Variants in VPS29 observed in about 807,000 individuals in gnomAD.
The protein encoded by VPS29 is VPS29 retromer complex component, also known as vacuolar protein sorting-associated protein 29.
VPS29 carries 2 observed loss-of-function variants against 20.0 expected under a neutral mutation model. The observed-to-expected ratio is 0.10, with a 90% CI of 0.04 to 0.31. VPS29 has a LOEUF of 0.31. VPS29 is among the 10% of genes least tolerant of loss of function. The pLI, the probability that VPS29 is intolerant of heterozygous loss-of-function variation, is 1.00. For synonymous variants in VPS29, 81 were observed against 79.3 expected, an observed-to-expected ratio of 1.02 and a Z score of -0.12; for missense variants, 120 against 215.3, an observed-to-expected ratio of 0.56 and a Z score of 2.77.
Position 110,492,051 on chromosome 12 carries a change from A to G in VPS29, c.503T>C (p.Ile168Thr), listed in dbSNP as rs755946036. Residue 168 changes from isoleucine (I) to threonine (T), a missense_variant, in exon 4 of 4, where the codon ATT becomes ACT. By Grantham distance (89) the Ile-to-Thr change is moderately conservative (BLOSUM62 -1). Coordinates refer to ENST00000549578, the MANE Select transcript of VPS29 (RefSeq NM_016226.5). Reference sequence around the variant, plus strand: ...TCGTTCTACTTTCACATCATCTCCAATTAGCTGATACACATAGGTGACCAC... The same window carrying G: ...TCGTTCTACTTTCACATCATCTCCAGTTAGCTGATACACATAGGTGACCAC... ...STVVTYVYQL[I>T]GDDVKVERIE... is the part of the protein sequence containing the mutation. 9 of 1,613,916 alleles carry G rather than the reference A, an allele frequency of 5.6e-6. No homozygotes were observed. The highest frequency in any genetic ancestry group is 1.1e-5 in the South Asian group (1 of 91,078).
chr12:110,499,890 T>C (rs1358757857), intron 1 of VPS29, among the ~76,000 whole-genome samples: 2 of 152,246 alleles, frequency 1.3e-5, no homozygotes, highest in Non-Finnish European at 2.9e-5. Flanking sequence ...TAGATTTTTA[T>C]AAGATTTTAT....
intron 1 of VPS29, chr12:110,499,536 C>G (rs755552624): frequency 1.2e-6 from 2 of 1,612,302 alleles, no homozygotes; most frequent in Non-Finnish European, 1.7e-6. Flanking sequence ...GAAACTTACT[C>G]TGTGCCCAGC....
intron 3 of VPS29, among the ~76,000 whole-genome samples, 161 bp from the exon 4 acceptor site, chr12:110,492,283 C>T (rs2135565011): frequency 6.6e-6 from 1 of 152,202 alleles, no homozygotes; most frequent in South Asian, 2.1e-4. Context: ...TAAATGGTCA[C>T]ATGTGGCTGG....
At chr12:110,493,304 A>C (rs2062849096) in intron 2 of VPS29, 73 bp from the exon 3 acceptor site, 3 of 1,126,734 alleles carry the variant, frequency 2.7e-6, no homozygotes, top group Non-Finnish European at 3.6e-6. Context: ...AGTTTCCTTA[A>C]ATATTCAATC....
rs2062822049 is a variant in VPS29, at chr12:110,491,859, A to G, written c.*146T>C. The G allele has an allele frequency of 1.6e-6, 1 of 633,614 alleles. No homozygotes were observed. The highest frequency in any genetic ancestry group is 1.9e-5 in the African/African-American group (1 of 54,050). 39.2% of individuals were successfully genotyped at this position (633,614 alleles called of 1,614,324 possible). On this transcript the variant is annotated 3_prime_UTR_variant, in exon 4 of 4. Coordinates refer to ENST00000549578, the MANE Select transcript of VPS29 (RefSeq NM_016226.5). ...TTATAGTTTACAGGAAGCTTGGAGC[A>G]ATTATGTATTAACAGAGAAGATGGT...
intron 1 of VPS29, among the ~76,000 whole-genome samples, chr12:110,500,893 T>C (rs910982566): frequency 1.3e-5 from 2 of 152,062 alleles, no homozygotes; most frequent in African/African-American, 4.8e-5. Context: ...GAAAATATGA[T>C]TACAGGCCGG....
intron 2 of VPS29, among the ~76,000 whole-genome samples, chr12:110,494,041 TATGG>T (rs946017864): frequency 1.2e-4 from 19 of 152,254 alleles, no homozygotes; most frequent in Non-Finnish European, 2.9e-5. Context: ...ATCCCCACTT[TATGG>T]ATGATGAAAC....
chr12:110,491,962 G>A lies in VPS29; in HGVS notation c.*43C>T. On this transcript the variant is annotated 3_prime_UTR_variant, in exon 4 of 4. Coordinates refer to ENST00000549578, the MANE Select transcript of VPS29 (RefSeq NM_016226.5). Reference sequence around the variant, plus strand: ...AATGTTTAATTACTTGATTTCAACAGGACAATGAAAAAAAACCAAAAATCA... The same window carrying A: ...AATGTTTAATTACTTGATTTCAACAAGACAATGAAAAAAAACCAAAAATCA... 7.1e-7 allele frequency: 1 copy of A among 1,402,784 alleles called. No individual in the cohort carries two copies. Among genetic ancestry groups the A allele is most frequent in the East Asian group, 2.3e-5 (1 of 43,726 alleles). The allele number at this position is 1,402,784 out of a possible 1,614,324, so 86.9% of individuals were successfully genotyped here.
rs2062822583 is a variant in VPS29 at position 110,491,929 on chromosome 12, G to A, written c.*76C>T. On this transcript the variant is annotated 3_prime_UTR_variant, in exon 4 of 4. Transcript: ENST00000549578. ...TATTATAAAAGTGATACAATTTTGT[G>A]GCTCTTAAATGTTTAATTACTTGAT... 1 of 983,802 alleles carries A rather than the reference G, an allele frequency of 1.0e-6. No individual in the cohort carries two copies. The highest frequency in any genetic ancestry group is 1.6e-5 in the African/African-American group (1 of 61,308). The allele number at this position is 983,802 out of a possible 1,614,324, so 60.9% of individuals were successfully genotyped here.
At chr12:110,501,675 C>T in intron 1 of VPS29, 2 of 1,486,108 alleles carry the variant, frequency 1.3e-6, no homozygotes, top group Non-Finnish European at 1.8e-6. Flanking sequence ...TTGCGGGAAA[C>T]GAGTAGGAAC....
chr12:110,501,622 G>A (rs1008249044), intron 1 of VPS29: 58 of 1,534,376 alleles, frequency 3.8e-5, no homozygotes, highest in Non-Finnish European at 5.0e-5. Flanking sequence ...GCATTCGAGA[G>A]GCCAGCTTCC....
chr12:110,492,389 G>A (rs895348512), intron 3 of VPS29, among the ~76,000 whole-genome samples: 1 of 152,058 alleles, frequency 6.6e-6, no homozygotes, highest in African/African-American at 2.4e-5. Context: ...GGCTAACATG[G>A]TGAAACCCCA....
intron 1 of VPS29, among the ~76,000 whole-genome samples, chr12:110,497,678 G>A (rs2062930567): frequency 1.3e-5 from 2 of 151,558 alleles, no homozygotes; most frequent in Non-Finnish European, 1.5e-5. Flanking sequence ...AATACTTGAG[G>A]TCAGGAGTTC....
At chr12:110,495,553 A>T (rs2062892392) in intron 2 of VPS29, among the ~76,000 whole-genome samples, 1 of 152,090 alleles carries the variant, frequency 6.6e-6, no homozygotes, top group South Asian at 2.1e-4. Context: ...TCTACTAAAA[A>T]AAAAAATAGC....
chr12:110,499,577 A>AG (rs1491078706), intron 1 of VPS29: 6 of 1,550,142 alleles, frequency 3.9e-6, no homozygotes, highest in African/African-American at 2.7e-5. Flanking sequence ...GATTGCAGAC[A>AG]GGGGGGATGA....
chr12:110,501,408 G>A (rs1052532345), intron 1 of VPS29: 1 of 1,535,312 alleles, frequency 6.5e-7, no homozygotes, highest in Non-Finnish European at 8.7e-7. Flanking sequence ...CATCATTAAG[G>A]AATCCTACCC....
At chr12:110,495,692 G>A (rs752589419) in intron 2 of VPS29, among the ~76,000 whole-genome samples, 39 of 151,778 alleles carry the variant, frequency 2.6e-4, no homozygotes, top group Non-Finnish European at 5.1e-4. Context: ...GGGCGACAGA[G>A]CAAGACTCCA....
At chr12:110,499,635 G>T (rs201409899) in intron 1 of VPS29, 1 of 845,532 alleles carries the variant, frequency 1.2e-6, no homozygotes, top group Non-Finnish European at 1.7e-6. Context: ...GCAACAAAAA[G>T]AAACCAAAAA....
chr12:110,499,640 C>G, intron 1 of VPS29: 1 of 642,144 alleles, frequency 1.6e-6, no homozygotes, highest in Non-Finnish European at 2.4e-6. Context: ...AAAAAGAAAC[C>G]AAAAAAAAAA....
Sources: gnomAD v4.1 joint callset for allele counts (sites outside exome capture counted in the v4.1 genomes callset) on GRCh38, gnomAD v4.1.1 for gene constraint, MANE v1.5 for transcripts, NCBI Gene and HGNC (gene_info 2026-07-23, HGNC 2026-07-21) for gene names.